Variants in TENM3 observed in about 807,000 individuals in gnomAD.
TENM3 encodes teneurin-3.
In TENM3, 63 loss-of-function variants were observed where a neutral mutation model predicts 255.1. That is an observed-to-expected ratio of 0.25 (90% CI 0.20 to 0.30). The LOEUF (loss-of-function observed/expected upper bound fraction) is 0.30. TENM3 is among the 10% of genes least tolerant of loss of function. The pLI, the probability that TENM3 is intolerant of heterozygous loss-of-function variation, is 1.00. For synonymous variants in TENM3, 1,306 were observed against 1,322.3 expected (o/e 0.99, Z 0.27); for missense variants, 2,929 against 3,461.1 (o/e 0.85, Z 3.86).
the TENM3 span, among the ~76,000 whole-genome samples, chr4:181,803,307 T>G: frequency 2.0e-5 from 3 of 152,232 alleles, no homozygotes. Context: ...GTATCCAGCT[T>G]TCTGTTCCTT....
At chr4:181,904,289 C>T in the TENM3 span, among the ~76,000 whole-genome samples, 1 of 151,992 alleles carries the variant, frequency 6.6e-6, no homozygotes, top group African/African-American at 2.4e-5. Context: ...TCTCTTTCTT[C>T]CCCAGAGCCT....
At chr4:182,170,771 A>G (rs1007203599) in intron 1 of TENM3, among the ~76,000 whole-genome samples, 22 of 152,358 alleles carry the variant, frequency 1.4e-4, no homozygotes, top group African/African-American at 5.0e-4. Flanking sequence ...ATAAAATCAC[A>G]TTAGCTAATT....
the TENM3 span, among the ~76,000 whole-genome samples, chr4:181,701,224 G>T: frequency 6.6e-6 from 1 of 152,234 alleles, no homozygotes; most frequent in Non-Finnish European, 1.5e-5. Context: ...CAAAGTAATC[G>T]GTGTGTGTCA....
chr4:182,123,418 A>G, the TENM3 span, among the ~76,000 whole-genome samples: 1 of 152,180 alleles, frequency 6.6e-6, no homozygotes, highest in Non-Finnish European at 1.5e-5. Flanking sequence ...GATGTAAGTG[A>G]GAGATGTGCA....
At chr4:182,422,895 T>C (rs1157511344) in intron 3 of TENM3, among the ~76,000 whole-genome samples, 1 of 152,212 alleles carries the variant, frequency 6.6e-6, no homozygotes, top group East Asian at 1.9e-4. Context: ...ATGAGGCAAC[T>C]GAGGCATGGA....
chr4:182,279,200 A>G (rs189494883), intron 1 of TENM3, among the ~76,000 whole-genome samples: 1 of 152,316 alleles, frequency 6.6e-6, no homozygotes, highest in Non-Finnish European at 1.5e-5. Context: ...CATCAGAGCA[A>G]GGTATTTGGT....
the TENM3 span, among the ~76,000 whole-genome samples, chr4:181,602,332 G>A: frequency 1.3e-5 from 2 of 152,136 alleles, no homozygotes; most frequent in African/African-American, 2.4e-5. Context: ...TCAGATGAAG[G>A]TTAATGGCAT....
chr4:181,737,643 G>C, the TENM3 span, among the ~76,000 whole-genome samples: 1 of 152,008 alleles, frequency 6.6e-6, no homozygotes, highest in Non-Finnish European at 1.5e-5. Flanking sequence ...TCTGTCCTCA[G>C]TCTATCATAA....
At chr4:181,465,672 T>C in the TENM3 span, among the ~76,000 whole-genome samples, 20 of 152,284 alleles carry the variant, frequency 1.3e-4, no homozygotes, top group Non-Finnish European at 2.9e-5. Flanking sequence ...AAAACCACAA[T>C]TACTTTTGCA....
chr4:182,303,836 C>T (rs1001471210), intron 1 of TENM3, among the ~76,000 whole-genome samples: 2 of 152,174 alleles, frequency 1.3e-5, no homozygotes, highest in Non-Finnish European at 2.9e-5. Context: ...CTAGGCACCA[C>T]ATGGCCGTAG....
the TENM3 span, among the ~76,000 whole-genome samples, chr4:181,710,055 A>C: frequency 0.048 from 7,346 of 152,280 alleles, 248 homozygotes; most frequent in Middle Eastern, 0.15. Flanking sequence ...GGGATATTTC[A>C]CAGTTAAGCT....
the TENM3 span, among the ~76,000 whole-genome samples, chr4:181,809,990 C>T: frequency 5.9e-5 from 9 of 152,112 alleles, no homozygotes; most frequent in Admixed American, 2.6e-4. Context: ...ACTATAAGAG[C>T]GTACATTTGT....
the TENM3 span, among the ~76,000 whole-genome samples, chr4:181,581,935 G>T: frequency 6.6e-6 from 1 of 152,044 alleles, no homozygotes; most frequent in Non-Finnish European, 1.5e-5. Context: ...GTTTCGCCAT[G>T]TTACCCAGGC....
intron 22 of TENM3, among the ~76,000 whole-genome samples, chr4:182,757,949 C>G (rs918945094): frequency 2.6e-5 from 4 of 152,106 alleles, no homozygotes; most frequent in African/African-American, 9.6e-5. Flanking sequence ...ATTAAAATAT[C>G]TTACAAAATA....
the TENM3 span, among the ~76,000 whole-genome samples, chr4:181,986,834 T>A: frequency 5.9e-5 from 9 of 152,184 alleles, no homozygotes; most frequent in East Asian, 1.5e-3. Flanking sequence ...TAGATATACA[T>A]CTATAGGCAC....
intron 3 of TENM3, among the ~76,000 whole-genome samples, chr4:182,368,528 C>A (rs148887471): frequency 6.6e-6 from 1 of 152,190 alleles, no homozygotes; most frequent in East Asian, 1.9e-4. Context: ...TTGCTAATAC[C>A]ATTAGCAGAT....
chr4:181,933,129 G>A, the TENM3 span, among the ~76,000 whole-genome samples: 2 of 152,136 alleles, frequency 1.3e-5, no homozygotes, highest in East Asian at 1.9e-4. Flanking sequence ...AAACCTGCAC[G>A]TTCTGCACAT....
At chr4:181,542,106 T>C in the TENM3 span, among the ~76,000 whole-genome samples, 1 of 152,096 alleles carries the variant, frequency 6.6e-6, no homozygotes, top group African/African-American at 2.4e-5. Flanking sequence ...ATTATAATCA[T>C]GTAAAGGAAC....
chr4:181,707,731 A>G, the TENM3 span, among the ~76,000 whole-genome samples: 2 of 152,210 alleles, frequency 1.3e-5, no homozygotes, highest in Admixed American at 1.3e-4. Context: ...AATTATAGAT[A>G]CTATACTATG....
Sources: gnomAD v4.1 joint callset for allele counts (sites outside exome capture counted in the v4.1 genomes callset) on GRCh38, gnomAD v4.1.1 for gene constraint, MANE v1.5 for transcripts, NCBI Gene and HGNC (gene_info 2026-07-23, HGNC 2026-07-21) for gene names.